Variants in ELAPOR2 observed in about 807,000 individuals in gnomAD.
ELAPOR2 encodes endosome/lysosome-associated apoptosis and autophagy regulator family member 2.
Under a neutral mutation model 120.7 loss-of-function variants are expected in ELAPOR2, and 89 were observed. That is an observed-to-expected ratio of 0.74 (90% confidence interval 0.62 to 0.88). The LOEUF is 0.88. Among genes scored for constraint, ELAPOR2 ranks in the 40% least tolerant of loss-of-function variants. ELAPOR2 has a pLI of 0.00. For synonymous variants in ELAPOR2, 444 were observed against 444.9 expected (o/e 1.00, Z 0.03); for missense variants, 1,134 against 1,251.6 (o/e 0.91, Z 1.42).
At chr7:87,054,573 C>T (rs1189948626) in intron 1 of ELAPOR2, among the ~76,000 whole-genome samples, 1 of 152,198 alleles carries the variant, frequency 6.6e-6, no homozygotes, top group African/African-American at 2.4e-5. Flanking sequence ...TAGCCCATGG[C>T]CTTCAGGGAC....
At chr7:86,941,275 G>A (rs1190472874) in intron 5 of ELAPOR2, 2 of 522,554 alleles carry the variant, frequency 3.8e-6, no homozygotes, top group African/African-American at 3.9e-5. Context: ...ATAAACCGGA[G>A]TTAGATATTA....
At chr7:87,058,264 C>G (rs1467571433) in intron 1 of ELAPOR2, among the ~76,000 whole-genome samples, 2 of 152,178 alleles carry the variant, frequency 1.3e-5, no homozygotes, top group African/African-American at 4.8e-5. Context: ...GAGCAACATA[C>G]ACAAACAAGA....
intron 1 of ELAPOR2, among the ~76,000 whole-genome samples, chr7:87,014,047 C>A (rs1793785302): frequency 1.2e-5 from 1 of 84,640 alleles, no homozygotes; most frequent in South Asian, 3.4e-4. Context: ...TTTTTTTTTG[C>A]TTTATGTTGC....
intron 1 of ELAPOR2, among the ~76,000 whole-genome samples, chr7:87,023,872 T>C (rs1794149742): frequency 6.6e-6 from 1 of 152,174 alleles, no homozygotes; most frequent in Admixed American, 6.5e-5. Context: ...TGTTTGTCTG[T>C]TGTTGGTGTA....
chr7:86,976,000 G>A (rs192445854), intron 1 of ELAPOR2, among the ~76,000 whole-genome samples: 67 of 152,260 alleles, frequency 4.4e-4, no homozygotes, highest in African/African-American at 1.5e-3. Context: ...TTGGAGTACT[G>A]GGAGAGGGGA....
In ELAPOR2 at chr7:86,977,852, C is replaced by A. The variant is rs1053689351; in HGVS notation, c.190-12828G>T. Among the ~76,000 whole-genome samples the A allele has an allele frequency of 1.2e-4, 19 of 152,160 alleles. 1 individual carries two copies. Among genetic ancestry groups the A allele is most frequent in the African/African-American group, 4.6e-4 (19 of 41,522 alleles). Reference sequence around the variant, plus strand: ...GCACATTTATTTAAAAATTAAGATACCCTTTATCATATCAAGTTTATATTT... The same window carrying A: ...GCACATTTATTTAAAAATTAAGATAACCTTTATCATATCAAGTTTATATTT... On this transcript the variant is annotated intron_variant, in intron 1 of 21. Transcript: ENST00000450689.
At chr7:86,892,895 C>G (rs1028952516) in intron 20 of ELAPOR2, 27 bp downstream of exon 20, 1 of 1,473,314 alleles carries the variant, frequency 6.8e-7, no homozygotes, top group African/African-American at 1.5e-5. Context: ...CTCTAGCTCT[C>G]TTGTGATCAT....
rs1799311849 is a variant in ELAPOR2, at chr7:86,879,757, T to C, written c.*714A>G. On this transcript the variant is annotated 3_prime_UTR_variant, in exon 22 of 22. Coordinates refer to ENST00000450689, the MANE Select transcript of ELAPOR2 (RefSeq NM_001142749.3). ...TTTGCATTAATGGAGAATTAGGGCT[T>C]CTCGTTACCTTTCTTACTTTTTTGT... 1 of 152,220 alleles carries C rather than the reference T, an allele frequency of 6.6e-6. No individual in the cohort carries two copies. Among genetic ancestry groups the C allele is most frequent in the Non-Finnish European group, 1.5e-5 (1 of 68,044 alleles). 9.4% of individuals were successfully genotyped at this position (152,220 alleles called of 1,614,324 possible). A position where few individuals can be genotyped will look rare whatever the true frequency, so the allele number is the denominator to read the frequency against.
At chr7:86,945,185 A>T in intron 3 of ELAPOR2, 139 bp from the exon 4 acceptor site, 1 of 664,120 alleles carries the variant, frequency 1.5e-6, no homozygotes. Flanking sequence ...CCAGACTCAA[A>T]GGCCAACTTT....
At chr7:87,050,627 G>A (rs962849663) in intron 1 of ELAPOR2, among the ~76,000 whole-genome samples, 8 of 152,074 alleles carry the variant, frequency 5.3e-5, no homozygotes, top group Admixed American at 2.6e-4. Flanking sequence ...ATGCGAGAAC[G>A]GCCTAATACA....
chr7:86,957,940 A>C (rs1300573884), intron 2 of ELAPOR2, among the ~76,000 whole-genome samples: 1 of 152,240 alleles, frequency 6.6e-6, no homozygotes, highest in Non-Finnish European at 1.5e-5. Flanking sequence ...AATCAATTAA[A>C]AATGACCCAC....
At chr7:87,032,857 C>G (rs1209035117) in intron 1 of ELAPOR2, among the ~76,000 whole-genome samples, 4 of 152,190 alleles carry the variant, frequency 2.6e-5, no homozygotes, top group African/African-American at 9.6e-5. Context: ...GCTACCTACA[C>G]ACCTTGTGTG....
intron 9 of ELAPOR2, among the ~76,000 whole-genome samples, 187 bp downstream of exon 9, chr7:86,926,549 T>C (rs1315418288): frequency 6.6e-6 from 1 of 152,002 alleles, no homozygotes; most frequent in Non-Finnish European, 1.5e-5. Flanking sequence ...ATAGTAAGTA[T>C]ACAACATGGC....
intron 1 of ELAPOR2, among the ~76,000 whole-genome samples, chr7:86,981,786 G>T (rs1170131948): frequency 6.6e-6 from 1 of 152,222 alleles, no homozygotes; most frequent in Non-Finnish European, 1.5e-5. Flanking sequence ...TAAGGTACCT[G>T]GTTCATCTCA....
At chr7:86,976,613 C>T (rs976284040) in intron 1 of ELAPOR2, among the ~76,000 whole-genome samples, 1 of 152,112 alleles carries the variant, frequency 6.6e-6, no homozygotes, top group African/African-American at 2.4e-5. Context: ...ACTGAATAGA[C>T]ACTGGAAGGA....
At chr7:86,919,017 A>G (rs938962027) in intron 11 of ELAPOR2, among the ~76,000 whole-genome samples, 1 of 152,202 alleles carries the variant, frequency 6.6e-6, no homozygotes, top group African/African-American at 2.4e-5. Flanking sequence ...TTATCTAAGT[A>G]ATATATAACT....
intron 2 of ELAPOR2, among the ~76,000 whole-genome samples, chr7:86,956,064 A>C (rs1318308941): frequency 6.6e-6 from 1 of 152,200 alleles, no homozygotes; most frequent in Non-Finnish European, 1.5e-5. Flanking sequence ...TTCTAGCTCC[A>C]GCAGTGTCAC....
rs138054081 is a variant in ELAPOR2 at position 87,031,858 on chromosome 7, A to G, written c.189+27467T>C. Among the ~76,000 whole-genome samples the G allele has an allele frequency of 1.0e-3, 158 of 152,340 alleles. 3 individuals carry two copies. In the East Asian group the frequency reaches 0.021, roughly 20 times the overall value. ...AGACTACTACTCAGCAGAAAGGAACAAACTTGATACACACCACAATGTGAA... is the reference window on the plus strand; with the variant it reads ...AGACTACTACTCAGCAGAAAGGAACGAACTTGATACACACCACAATGTGAA... On this transcript the variant is annotated intron_variant, in intron 1 of 21. Coordinates refer to ENST00000450689, the MANE Select transcript of ELAPOR2 (RefSeq NM_001142749.3).
intron 1 of ELAPOR2, among the ~76,000 whole-genome samples, chr7:87,001,861 C>T (rs1034706204): frequency 6.6e-6 from 1 of 152,118 alleles, no homozygotes; most frequent in Non-Finnish European, 1.5e-5. Context: ...TCTTTATGTT[C>T]TGAAGTTAGT....
Sources: gnomAD v4.1 joint callset for allele counts (sites outside exome capture counted in the v4.1 genomes callset) on GRCh38, gnomAD v4.1.1 for gene constraint, MANE v1.5 for transcripts, NCBI Gene and HGNC (gene_info 2026-07-23, HGNC 2026-07-21) for gene names.